PBX1: variants seen among roughly 807,000 people sequenced by gnomAD.
The protein encoded by PBX1 is PBX homeobox 1.
In PBX1, 6 loss-of-function variants were observed where a neutral mutation model predicts 53.4. The ratio of observed to expected loss-of-function variants is 0.11; its 90% CI spans 0.06 to 0.22. PBX1 has a LOEUF of 0.22. PBX1 is among the 10% of genes least tolerant of loss of function. The pLI is 1.00. For missense variants in PBX1, 251 were observed against 551.4 expected, an observed-to-expected ratio of 0.46 and a Z score of 5.46; for synonymous variants, 204 against 212.3, an observed-to-expected ratio of 0.96 and a Z score of 0.34.
intron 2 of PBX1, among the ~76,000 whole-genome samples, chr1:164,629,126 T>A (rs970040061): frequency 6.6e-6 from 1 of 152,116 alleles, no homozygotes; most frequent in South Asian, 2.1e-4. Flanking sequence ...TGCTCGAGGC[T>A]CTGTTTATTA....
intron 8 of PBX1, among the ~76,000 whole-genome samples, chr1:164,822,764 T>A (rs1375232867): frequency 6.6e-6 from 1 of 152,212 alleles, no homozygotes; most frequent in African/African-American, 2.4e-5. Context: ...AGATTCATCA[T>A]GAATGATCTA....
In PBX1 at chr1:164,863,555, A is replaced by C. The variant is rs144963765; in HGVS notation, n.257+32072A>C. Among the ~76,000 whole-genome samples, 1,391 of 152,360 alleles carry C rather than the reference A, an allele frequency of 9.1e-3. 24 individuals are homozygous for C. Among genetic ancestry groups the C allele is most frequent in the African/African-American group, 0.032 (1,326 of 41,584 alleles). On this transcript the variant is annotated intron_variant and non_coding_transcript_variant, in intron 2 of 2. Transcript: ENST00000558796. ...TAAATCTGCAACTCTGATATGTAAT[A>C]TGAAAAAAGATATGTGATCCTATGA... is the stretch of plus-strand genomic sequence containing the variant.
chr1:164,820,010 T>C, intron 6 of PBX1, 62 bp from the exon 7 acceptor site: 1 of 925,290 alleles, frequency 1.1e-6, no homozygotes, highest in South Asian at 1.4e-5. Context: ...TCTTGGCTGT[T>C]AGTTGCGGGG....
At chr1:164,823,674 T>C (rs939194243) in intron 8 of PBX1, among the ~76,000 whole-genome samples, 19 of 152,144 alleles carry the variant, frequency 1.2e-4, no homozygotes, top group African/African-American at 4.6e-4. Context: ...GGGAATAATT[T>C]CTGAAATAGT....
chr1:164,806,449 C>G (rs949043404), intron 4 of PBX1, among the ~76,000 whole-genome samples: 6 of 152,150 alleles, frequency 3.9e-5, no homozygotes, highest in Non-Finnish European at 8.8e-5. Flanking sequence ...TAATTTCAGT[C>G]AGTTCTGTGC....
intron 2 of PBX1, among the ~76,000 whole-genome samples, chr1:164,790,339 A>G (rs1382329167): frequency 6.6e-6 from 1 of 152,044 alleles, no homozygotes; most frequent in Non-Finnish European, 1.5e-5. Flanking sequence ...ATTTTATTGG[A>G]AAAAAAAGTC....
chr1:164,714,296 C>T (rs1483318148), intron 2 of PBX1, among the ~76,000 whole-genome samples: 2 of 152,212 alleles, frequency 1.3e-5, no homozygotes, highest in Non-Finnish European at 2.9e-5. Context: ...TCAAGCCTCT[C>T]ATTGTCTATT....
rs1672333447 is a variant in PBX1 at position 164,870,275 on chromosome 1, T to TCCC, written n.258-28913_258-28912insCCC. ...CTTCCTTCCTTCCTTCCTTCTTTCT[T>TCCC]TCTTTCTTTCTTTCTTTCTTTCTTT... On this transcript the variant is annotated intron_variant and non_coding_transcript_variant, in intron 2 of 2. Coordinates refer to the PBX1 transcript ENST00000558796. Among the ~76,000 whole-genome samples, 15 of 17,186 alleles carry TCCC rather than the reference T, an allele frequency of 8.7e-4. 1 individual carries two copies. In the South Asian group the frequency reaches 0.028, roughly 32 times the overall value. The allele number at this position is 17,186 out of a possible 152,430, so 11.3% of individuals were successfully genotyped here. A position where few individuals can be genotyped will look rare whatever the true frequency, so the allele number is the denominator to read the frequency against.
chr1:164,773,243 G>GCGCACACACACACACACACACA (rs113836981), intron 2 of PBX1, among the ~76,000 whole-genome samples: 10 of 147,678 alleles, frequency 6.8e-5, no homozygotes, highest in African/African-American at 2.5e-4. Context: ...GGTAACACGC[G>GCGCACACACACACACACACACA]CACACACACA....
At chr1:164,674,860 CCCA>C (rs1361200968) in intron 2 of PBX1, 8 of 93,364 alleles carry the variant, frequency 8.6e-5, no homozygotes, top group African/African-American at 2.5e-4. Context: ...CCCCCCCCCC[CCCA>C]CCCACCACCA....
intron 1 of PBX1, among the ~76,000 whole-genome samples, chr1:164,560,725 A>G (rs1226470904): frequency 1.3e-5 from 2 of 152,158 alleles, no homozygotes; most frequent in Non-Finnish European, 2.9e-5. Flanking sequence ...TCAGATTTTT[A>G]GTTTAACTTT....
At chr1:164,568,395 A>G (rs930465357) in intron 2 of PBX1, among the ~76,000 whole-genome samples, 3 of 152,174 alleles carry the variant, frequency 2.0e-5, no homozygotes, top group African/African-American at 7.2e-5. Flanking sequence ...GTCCAGCTCC[A>G]AACAGCTCTT....
intron 2 of PBX1, among the ~76,000 whole-genome samples, chr1:164,868,778 C>G (rs1166418433): frequency 6.6e-6 from 1 of 152,188 alleles, no homozygotes; most frequent in African/African-American, 2.4e-5. Flanking sequence ...AGGTAATGCT[C>G]TGGTGGGATA....
chr1:164,643,801 T>C (rs1482207939), intron 2 of PBX1, among the ~76,000 whole-genome samples: 3 of 152,238 alleles, frequency 2.0e-5, no homozygotes, highest in Non-Finnish European at 2.9e-5. Flanking sequence ...TCCAAAATTA[T>C]GTAACCAGTA....
intron 2 of PBX1, among the ~76,000 whole-genome samples, chr1:164,677,250 G>T (rs993887114): frequency 3.3e-5 from 5 of 151,322 alleles, no homozygotes; most frequent in African/African-American, 1.2e-4. Flanking sequence ...CCGCCACCGC[G>T]CCCGGCTAAT....
intron 2 of PBX1, among the ~76,000 whole-genome samples, chr1:164,623,485 G>A (rs940625729): frequency 2.0e-5 from 3 of 152,190 alleles, no homozygotes; most frequent in Non-Finnish European, 2.9e-5. Flanking sequence ...CCTTGCCAGG[G>A]TCTAATTCCC....
At chr1:164,870,864 T>A (rs1672366810) in intron 2 of PBX1, among the ~76,000 whole-genome samples, 1 of 152,144 alleles carries the variant, frequency 6.6e-6, no homozygotes, top group Admixed American at 6.5e-5. Flanking sequence ...TCACTCCCCA[T>A]CTCCTATTTT....
chr1:164,711,797 TTCG>T (rs1314838868), intron 2 of PBX1, among the ~76,000 whole-genome samples: 1 of 152,172 alleles, frequency 6.6e-6, no homozygotes, highest in African/African-American at 2.4e-5. Context: ...AAATGCCCCA[TTCG>T]TAAGTATTCA....
intron 6 of PBX1, among the ~76,000 whole-genome samples, 190 bp downstream of exon 6, chr1:164,812,339 CT>C (rs1375063582): frequency 6.6e-6 from 1 of 152,144 alleles, no homozygotes; most frequent in Non-Finnish European, 1.5e-5. Context: ...ATCTGTTAGA[CT>C]TTTTACAACG....
Sources: gnomAD v4.1 joint callset for allele counts (sites outside exome capture counted in the v4.1 genomes callset) on GRCh38, gnomAD v4.1.1 for gene constraint, MANE v1.5 for transcripts, NCBI Gene and HGNC (gene_info 2026-07-23, HGNC 2026-07-21) for gene names.